Variants in CELSR3 observed in about 807,000 individuals in gnomAD.
The protein encoded by CELSR3 is cadherin EGF LAG seven-pass G-type receptor 3.
CELSR3 carries 73 observed loss-of-function variants against 270.0 expected under a neutral mutation model. That is an observed-to-expected ratio of 0.27 (90% CI 0.22 to 0.33). CELSR3 has a LOEUF of 0.33. Among genes scored for constraint, CELSR3 ranks in the 10% least tolerant of loss-of-function variants. The probability of loss-of-function intolerance (pLI) is 1.00; values close to 1 mark genes in which losing one functional copy is unlikely to be tolerated. For synonymous variants in CELSR3, 1,780 were observed against 1,905.4 expected (o/e 0.93, Z 1.71); for missense variants, 3,614 against 4,533.8 (o/e 0.80, Z 5.83).
chr3:48,651,729 G>T lies in CELSR3; in HGVS notation c.5924-11C>A. 1 of 1,536,288 alleles carries T rather than the reference G, an allele frequency of 6.5e-7. No individual in the cohort carries two copies. The highest frequency in any genetic ancestry group is 1.3e-5 in the South Asian group (1 of 78,350). ...CTGGGCCGTAGTAACCTGCAGATTG[G>T]GTCAGAAAGCTCAGGATCCTGGTCG... On this transcript the variant is annotated splice_polypyrimidine_tract_variant and intron_variant, in intron 12 of 34. Coordinates refer to ENST00000164024, the MANE Select transcript of CELSR3 (RefSeq NM_001407.3). The surrounding 1 kb of genome is among the most constrained non-coding windows in gnomAD (Gnocchi z 7.4).
chr3:48,650,710 C>T lies in CELSR3; in HGVS notation c.6371-129G>A. ...CTCCTGCTGGCTTCTCAGGAGCTGA[C>T]CTGTCAGATTCTGTGACAGGTCAGC... On this transcript the variant is annotated intron_variant, in intron 15 of 34. Coordinates refer to ENST00000164024, the MANE Select transcript of CELSR3 (RefSeq NM_001407.3). This position sits in a 1 kb window ranked among gnomAD's most constrained non-coding sequence, Gnocchi z 5.1. The T allele has an allele frequency of 9.7e-7, 1 of 1,031,296 alleles. No homozygotes were observed. 63.9% of individuals were successfully genotyped at this position (1,031,296 alleles called of 1,614,324 possible).
rs375355177 is a variant in CELSR3, at chr3:48,642,870, G to A, written c.8421C>T (p.Tyr2807=). The A allele has an allele frequency of 1.3e-5, 21 of 1,613,166 alleles. No individual in the cohort carries two copies. Among genetic ancestry groups the A allele is most frequent in the Non-Finnish European group, 1.8e-5 (21 of 1,179,940 alleles). ...RPAPGLGPGA[Y]NNTALFEESG... is the part of the protein sequence containing the mutation. ...TCTCCTCAAAGAGAGCCGTGTTGTT[G>A]TAGGCCCCAGGTCCCTGGGGGTGGT... The change falls in exon 30 of 35, where the codon TAC becomes TAT. Residue 2807 remains tyrosine (Y), a synonymous_variant. Coordinates refer to ENST00000164024, the MANE Select transcript of CELSR3 (RefSeq NM_001407.3). This position sits in a 1 kb window ranked among gnomAD's most constrained non-coding sequence, Gnocchi z 6.1.
Position 48,655,276 on chromosome 3 carries a change from C to T in CELSR3, c.4830+30G>A. 1.2e-6 allele frequency: 2 copies of T among 1,614,044 alleles called. No individual in the cohort carries two copies. The highest frequency in any genetic ancestry group is 1.7e-6 in the Non-Finnish European group (2 of 1,179,946). On this transcript the variant is annotated intron_variant, in intron 5 of 34. Coordinates refer to ENST00000164024, the MANE Select transcript of CELSR3 (RefSeq NM_001407.3). This position sits in a 1 kb window ranked among gnomAD's most constrained non-coding sequence, Gnocchi z 5.8. ...AGCAGAAGTCAGCATCCCAACTCCC[C>T]TCATACCCGATGCCAGGGATGGCCC...
Position 48,639,893 on chromosome 3 carries a change from A to AC in CELSR3, c.9691dup (p.Val3231GlyfsTer79). On this transcript the variant is annotated frameshift_variant, in exon 34 of 35. Coordinates refer to ENST00000164024, the MANE Select transcript of CELSR3 (RefSeq NM_001407.3). LOFTEE classifies it high-confidence loss of function. This position sits in a 1 kb window ranked among gnomAD's most constrained non-coding sequence, Gnocchi z 4.1. ...GGAGGGGCCATGGCTGGGGCCACTG[A>AC]CCGAGTCCTCCCTAGCTCTGAGCAG... The AC allele has an allele frequency of 6.2e-7, 1 of 1,613,278 alleles. No homozygotes were observed. Among genetic ancestry groups the AC allele is most frequent in the Non-Finnish European group, 8.5e-7 (1 of 1,180,010 alleles).
chr3:48,638,348 G>A (rs878957348), intron 34 of CELSR3, 116 bp from the exon 35 acceptor site: 6 of 753,354 alleles, frequency 8.0e-6, no homozygotes, highest in South Asian at 2.9e-5. Flanking sequence ...CACTGCTCTC[G>A]CCTCTTAGCC....
Position 48,645,005 on chromosome 3 carries a change from TGGTTGGA to T in CELSR3, c.7972+23_7972+29del. 6.4e-7 allele frequency: 1 copy of T among 1,561,132 alleles called. No individual in the cohort carries two copies. Among genetic ancestry groups the T allele is most frequent in the Non-Finnish European group, 8.7e-7 (1 of 1,147,590 alleles). ...CAGGGTCAGGGGTCAGGCCATGTGA[TGGTTGGA>T]GGTTGGGGGTCACAGCCCTCACCCA... On this transcript the variant is annotated intron_variant, in intron 25 of 34. Coordinates refer to ENST00000164024, the MANE Select transcript of CELSR3 (RefSeq NM_001407.3). The surrounding 1 kb of genome is among the most constrained non-coding windows in gnomAD (Gnocchi z 5.4).
chr3:48,645,720 G>A lies in CELSR3; in HGVS notation c.7590+22C>T, dbSNP rs1393889324. On this transcript the variant is annotated intron_variant, in intron 23 of 34. Transcript: ENST00000164024. This position sits in a 1 kb window ranked among gnomAD's most constrained non-coding sequence, Gnocchi z 5.4. ...TGTCCCTTTGACCCCCCACTTCCTT[G>A]GGACACTGAACACAGCCCCACCTCA... 1 of 1,603,356 alleles carries A rather than the reference G, an allele frequency of 6.2e-7. No homozygotes were observed.
Position 48,643,612 on chromosome 3 carries a change from G to T in CELSR3, c.8231C>A (p.Ala2744Glu), listed in dbSNP as rs1180907128. The change falls in exon 28 of 35, where the codon GCA becomes GAA. Residue 2744 changes from alanine (A) to glutamate (E), a missense_variant. Physicochemically the swap from Ala to Glu is moderately radical, Grantham distance 107. Transcript: ENST00000164024. ...GAAGGCTAGGATGCTGTGGTTGACT[G>T]CCAGGAGCCCAAAGAGCCAGGAGGC... ...VSASWLFGLL[A>E]VNHSILAFHY... The T allele has an allele frequency of 6.4e-7, 1 of 1,551,300 alleles. No homozygotes were observed. Among genetic ancestry groups the T allele is most frequent in the Non-Finnish European group, 8.7e-7 (1 of 1,147,010 alleles).
rs1190891564 is a variant in CELSR3 at position 48,637,926 on chromosome 3, C to G, written c.*279G>C. ...CCCTCCCAGCCCAGCCTCAAACCCC[C>G]CAGGAGACAGAAAAGCTGAAAAATA... is the stretch of plus-strand genomic sequence containing the variant. On this transcript the variant is annotated 3_prime_UTR_variant, in exon 35 of 35. Transcript: ENST00000164024. The G allele has an allele frequency of 2.2e-6, 1 of 445,228 alleles. No individual in the cohort carries two copies. Among genetic ancestry groups the G allele is most frequent in the Admixed American group, 3.4e-5 (1 of 29,086 alleles). 27.6% of individuals were successfully genotyped at this position (445,228 alleles called of 1,614,324 possible).
chr3:48,656,914 G>T lies in CELSR3; in HGVS notation c.4183C>A (p.Arg1395Ser), dbSNP rs376427597. ...AGGAAGGGCGCGGACGAGTCAAAGC[G>T]GAGCACGGACACGCATTTCATGTAG... ...ENYMKCVSVLRFDSSAPFLAS... is the reference protein window; with the variant it reads ...ENYMKCVSVLSFDSSAPFLAS... The change falls in exon 2 of 35, where the codon CGC becomes AGC. Residue 1395 changes from arginine (R) to serine (S), a missense_variant. Around this residue, in one of 7 missense-constraint regions of CELSR3, gnomAD observed 1,331 missense variants for 1,933.7 expected, o/e 0.69. Transcript: ENST00000164024. 11 of 1,610,728 alleles carry T rather than the reference G, an allele frequency of 6.8e-6. No individual in the cohort carries two copies. The highest frequency in any genetic ancestry group is 9.3e-6 in the Non-Finnish European group (11 of 1,178,438).
chr3:48,645,029 C>A lies in CELSR3; in HGVS notation c.7972+6G>T. 1 of 1,571,462 alleles carries A rather than the reference C, an allele frequency of 6.4e-7. No individual in the cohort carries two copies. Among genetic ancestry groups the A allele is most frequent in the Non-Finnish European group, 8.7e-7 (1 of 1,152,696 alleles). On this transcript the variant is annotated splice_donor_region_variant and intron_variant, in intron 25 of 34. Coordinates refer to ENST00000164024, the MANE Select transcript of CELSR3 (RefSeq NM_001407.3). This position sits in a 1 kb window ranked among gnomAD's most constrained non-coding sequence, Gnocchi z 5.4. Reference sequence around the variant, plus strand: ...ATGGTTGGAGGTTGGGGGTCACAGCCCTCACCCAGCAGCACAGCAGGGACG... The same window carrying A: ...ATGGTTGGAGGTTGGGGGTCACAGCACTCACCCAGCAGCACAGCAGGGACG...
Position 48,648,463 on chromosome 3 carries a change from T to C in CELSR3, c.6778-2A>G. 1 of 1,543,096 alleles carries C rather than the reference T, an allele frequency of 6.5e-7. No individual in the cohort carries two copies. On this transcript the variant is annotated splice_acceptor_variant, in intron 18 of 34. Coordinates refer to ENST00000164024, the MANE Select transcript of CELSR3 (RefSeq NM_001407.3). LOFTEE classifies it high-confidence loss of function. Reference sequence around the variant, plus strand: ...TGCAGAGCCGGCCCACAGCAGATTCTGGGAAGACAGAGATAGAATTGGGTT... The same window carrying C: ...TGCAGAGCCGGCCCACAGCAGATTCCGGGAAGACAGAGATAGAATTGGGTT...
In CELSR3 at chr3:48,644,671, TGAGG is replaced by T; in HGVS notation, c.8085+41_8085+44del. 6.9e-6 allele frequency: 10 copies of T among 1,459,236 alleles called. No individual in the cohort carries two copies. The highest frequency in any genetic ancestry group is 2.8e-5 in the African/African-American group (2 of 71,680). 90.4% of individuals were successfully genotyped at this position (1,459,236 alleles called of 1,614,324 possible). A position where few individuals can be genotyped will look rare whatever the true frequency, so the allele number is the denominator to read the frequency against. ...GAGTCCACTGCACCTCCTCCCCCAA[TGAGG>T]GAGGGAAGTACAGAGGGGGCACCAA... On this transcript the variant is annotated intron_variant, in intron 26 of 34. Transcript: ENST00000164024. The surrounding 1 kb of genome is among the most constrained non-coding windows in gnomAD (Gnocchi z 4.8).
In CELSR3 at chr3:48,648,352, C is replaced by G; in HGVS notation, c.6887G>C (p.Arg2296Thr). Residue 2296 changes from arginine (R) to threonine (T), a missense_variant, in exon 19 of 35, where the codon AGG becomes ACG. Coordinates refer to ENST00000164024, the MANE Select transcript of CELSR3 (RefSeq NM_001407.3). ...TGTGGCTGCATACTCCTCCAGGTGC[C>G]TCACCAGTCCCGCGCTGCCTGGGGA... ...GGSPGSAGLV[R>T]HLEEYAATLA... 6.2e-7 allele frequency: 1 copy of G among 1,612,456 alleles called. No homozygotes were observed. The highest frequency in any genetic ancestry group is 8.5e-7 in the Non-Finnish European group (1 of 1,179,830).
rs1195624825 is a variant in CELSR3 at position 48,655,552 on chromosome 3, A to C, written c.4742-158T>G. ...TGGCTCAGAGTGCCTTTGAACAGAC[A>C]GGAGAAACAGACTTCTTGGAGGGAG... is the stretch of plus-strand genomic sequence containing the variant. On this transcript the variant is annotated intron_variant, in intron 4 of 34. Transcript: ENST00000164024. This position sits in a 1 kb window ranked among gnomAD's most constrained non-coding sequence, Gnocchi z 5.8. Among the ~76,000 whole-genome samples, 1 of 152,218 alleles carries C rather than the reference A, an allele frequency of 6.6e-6. No homozygotes were observed. The highest frequency in any genetic ancestry group is 1.5e-5 in the Non-Finnish European group (1 of 68,036).
At position 48,639,578 on chromosome 3, in the gene CELSR3, G is replaced by T; in HGVS notation, c.9911+96C>A. 1 of 1,511,282 alleles carries T rather than the reference G, an allele frequency of 6.6e-7. No homozygotes were observed. The highest frequency in any genetic ancestry group is 1.8e-5 in the Admixed American group (1 of 55,182). The allele number at this position is 1,511,282 out of a possible 1,614,324, so 93.6% of individuals were successfully genotyped here. ...TGGGGTAGCCCACACCTGTCTGCCA[G>T]CCCTCATCCCCTTCTGTGGCAGAAC... On this transcript the variant is annotated intron_variant, in intron 34 of 34. Coordinates refer to ENST00000164024, the MANE Select transcript of CELSR3 (RefSeq NM_001407.3). This position sits in a 1 kb window ranked among gnomAD's most constrained non-coding sequence, Gnocchi z 4.1.
At position 48,642,493 on chromosome 3, in the gene CELSR3, A is replaced by G. The variant is rs561322077; in HGVS notation, c.8556-26T>C. On this transcript the variant is annotated intron_variant, in intron 30 of 34. Transcript: ENST00000164024. This position sits in a 1 kb window ranked among gnomAD's most constrained non-coding sequence, Gnocchi z 6.1. Reference sequence around the variant, plus strand: ...CTGGAAAAGCAGGAGCCCCCCCACCATGAAAGAGGGATGTGATGGGGTGCC... The same window carrying G: ...CTGGAAAAGCAGGAGCCCCCCCACCGTGAAAGAGGGATGTGATGGGGTGCC... 2.5e-6 allele frequency: 4 copies of G among 1,604,874 alleles called. No homozygotes were observed. In the South Asian group the frequency reaches 4.4e-5, roughly 18 times the overall value.
At chr3:48,656,440 C>T in intron 2 of CELSR3, 75 bp from the exon 3 acceptor site, 2 of 1,317,916 alleles carry the variant, frequency 1.5e-6, no homozygotes, top group Admixed American at 3.7e-5. Context: ...AGACCGCGCG[C>T]CCAGAGGCCG....
At position 48,651,480 on chromosome 3, in the gene CELSR3, C is replaced by A; in HGVS notation, c.6066-1G>T. On this transcript the variant is annotated splice_acceptor_variant, in intron 13 of 34. Coordinates refer to ENST00000164024, the MANE Select transcript of CELSR3 (RefSeq NM_001407.3). LOFTEE classifies it high-confidence loss of function. This position sits in a 1 kb window ranked among gnomAD's most constrained non-coding sequence, Gnocchi z 7.4. Reference sequence around the variant, plus strand: ...GCCCCGTGGGCACTGCTGGTCCATCCTGGGGGTGCAGAGCCAGGTAAGATG... The same window carrying A: ...GCCCCGTGGGCACTGCTGGTCCATCATGGGGGTGCAGAGCCAGGTAAGATG... 6.2e-7 allele frequency: 1 copy of A among 1,613,720 alleles called. No homozygotes were observed. The highest frequency in any genetic ancestry group is 8.5e-7 in the Non-Finnish European group (1 of 1,179,866).
Sources: gnomAD v4.1 joint callset for allele counts (sites outside exome capture counted in the v4.1 genomes callset) on GRCh38, gnomAD v4.1.1 for gene constraint, gnomAD v4.1.1 regional missense constraint, Gnocchi (gnomAD v3.1) non-coding constraint, MANE v1.5 for transcripts, NCBI Gene and HGNC (gene_info 2026-07-23, HGNC 2026-07-21) for gene names.